KDM4C: variants seen among roughly 807,000 people sequenced by gnomAD.
KDM4C encodes lysine-specific demethylase 4C.
Under a neutral mutation model 129.3 loss-of-function variants are expected in KDM4C, and 81 were observed. That is an observed-to-expected ratio of 0.63 (90% CI 0.52 to 0.75). The LOEUF is 0.75. KDM4C is among the 30% of genes least tolerant of loss of function. KDM4C has a pLI of 0.00. For missense variants in KDM4C, 1,457 were observed against 1,304.0 expected (o/e 1.12, Z -1.81); for synonymous variants, 573 against 456.1 (o/e 1.26, Z -3.26).
intron 4 of KDM4C, chr9:6,835,050 C>T: frequency 1.1e-6 from 1 of 950,238 alleles, no homozygotes; most frequent in South Asian, 1.3e-5. Context: ...GCTACAGCTT[C>T]ACCACCACGG....
chr9:6,923,506 G>T (rs905291622), intron 8 of KDM4C, among the ~76,000 whole-genome samples: 1 of 152,126 alleles, frequency 6.6e-6, no homozygotes, highest in South Asian at 2.1e-4. Flanking sequence ...GTGAATGACT[G>T]AATGATTACA....
rs112782148 is a variant in KDM4C, at chr9:6,986,421, C to A, written c.1432C>A (p.Pro478Thr). 81 of 1,612,432 alleles carry A rather than the reference C, an allele frequency of 5.0e-5. No individual in the cohort carries two copies. The highest frequency in any genetic ancestry group is 4.7e-4 in the Admixed American group (28 of 60,004). The change falls in exon 11 of 22, where the codon CCT (proline) becomes ACT (threonine). Residue 478 changes from proline (P) to threonine (T), a missense_variant. Pro to Thr is a conservative substitution (Grantham distance 38). Coordinates refer to ENST00000381309, the MANE Select transcript of KDM4C (RefSeq NM_015061.6). ...DDKAYAYRSVPSISSEADDSI... is the reference protein window; with the variant it reads ...DDKAYAYRSVTSISSEADDSI... ...CAAAGCTTATGCATATAGAAGTGTA[C>A]CTTCTATATCCAGTGAGGCTGATGA...
chr9:6,930,939 C>T (rs78914367), intron 8 of KDM4C, among the ~76,000 whole-genome samples: 422 of 152,218 alleles, frequency 2.8e-3, no homozygotes, highest in Non-Finnish European at 4.8e-3. Context: ...GCAGTAAGCA[C>T]CTCAGAGAAT....
chr9:7,080,117 C>T (rs1382706990), intron 17 of KDM4C, among the ~76,000 whole-genome samples: 2 of 152,190 alleles, frequency 1.3e-5, no homozygotes, highest in South Asian at 2.1e-4. Context: ...TTCCCTCAAA[C>T]CCATGGTGTC....
chr9:7,002,044 C>T (rs1298069044), intron 12 of KDM4C, among the ~76,000 whole-genome samples: 2 of 152,128 alleles, frequency 1.3e-5, no homozygotes, highest in African/African-American at 2.4e-5. Flanking sequence ...AGGCACGTAC[C>T]ACCACACCTG....
chr9:6,813,275 A>G (rs1305356621), intron 3 of KDM4C, among the ~76,000 whole-genome samples: 3 of 152,174 alleles, frequency 2.0e-5, no homozygotes, highest in Non-Finnish European at 4.4e-5. Flanking sequence ...AGCTCAAATG[A>G]TCTTCCTGCT....
At chr9:6,884,770 C>G (rs1436539725) in intron 6 of KDM4C, among the ~76,000 whole-genome samples, 2 of 152,104 alleles carry the variant, frequency 1.3e-5, no homozygotes, top group East Asian at 1.9e-4. Flanking sequence ...ACTCTTTTCT[C>G]AAGGCTGAAA....
At chr9:6,809,152 G>A (rs1830692972) in intron 3 of KDM4C, among the ~76,000 whole-genome samples, 1 of 152,106 alleles carries the variant, frequency 6.6e-6, no homozygotes, top group Non-Finnish European at 1.5e-5. Context: ...CAAAGAAATT[G>A]AAAATTTTAT....
chr9:6,849,524 C>A lies in KDM4C; in HGVS notation c.453C>A (p.Asn151Lys), dbSNP rs149716850. 1.3e-6 allele frequency: 2 copies of A among 1,592,522 alleles called. No individual in the cohort carries two copies. The highest frequency in any genetic ancestry group is 1.3e-5 in the African/African-American group (1 of 74,698). Residue 151 changes from asparagine to lysine, a missense_variant, in exon 5 of 22, where the codon AAC becomes AAA. Physicochemically the swap from Asn to Lys is moderately conservative, Grantham distance 94. Coordinates refer to ENST00000381309, the MANE Select transcript of KDM4C (RefSeq NM_015061.6). Reference sequence around the variant, plus strand: ...CATTCCAGGGTGTGGATGAATGGAACATAGCTCGCCTCAATACAGTCTTGG... The same window carrying A: ...CATTCCAGGGTGTGGATGAATGGAAAATAGCTCGCCTCAATACAGTCTTGG... ...SIYDEGVDEW[N>K]IARLNTVLDV...
intron 8 of KDM4C, among the ~76,000 whole-genome samples, chr9:6,963,996 G>C (rs965765104): frequency 6.6e-6 from 1 of 152,138 alleles, no homozygotes; most frequent in African/African-American, 2.4e-5. Flanking sequence ...TAATAATTTT[G>C]ACTGTTAGAA....
chr9:6,857,070 G>T (rs1378618541), intron 5 of KDM4C, among the ~76,000 whole-genome samples: 3 of 152,036 alleles, frequency 2.0e-5, no homozygotes, highest in Non-Finnish European at 4.4e-5. Context: ...GCCTTCCTAG[G>T]CTGGTTTTAC....
chr9:7,142,443 C>T (rs1379153328), intron 19 of KDM4C, among the ~76,000 whole-genome samples: 2 of 152,164 alleles, frequency 1.3e-5, no homozygotes, highest in Non-Finnish European at 2.9e-5. Flanking sequence ...GTGGCTTTGC[C>T]TCCCCTCCCC....
At position 6,918,567 on chromosome 9, in the gene KDM4C, C is replaced by G. The variant is rs149347307; in HGVS notation, c.921+25335C>G. On this transcript the variant is annotated intron_variant, in intron 8 of 21. Transcript: ENST00000381309. ...AGGATTGCTGGGTCAGTTGGTAGGT[C>G]TGTTTTAAGTTCTTAGAGAAATCTC... Among the ~76,000 whole-genome samples, 804 of 152,206 alleles carry G rather than the reference C, an allele frequency of 5.3e-3. 3 individuals carry two copies. The highest frequency in any genetic ancestry group is 0.018 in the African/African-American group (736 of 41,520).
chr9:6,770,436 T>TATTG (rs1821529242), intron 1 of KDM4C, among the ~76,000 whole-genome samples: 1 of 152,192 alleles, frequency 6.6e-6, no homozygotes, highest in Non-Finnish European at 1.5e-5. Flanking sequence ...TACATGTCAA[T>TATTG]ATCTGTGTAT....
intron 17 of KDM4C, among the ~76,000 whole-genome samples, chr9:7,070,239 T>C (rs1003906286): frequency 1.3e-5 from 2 of 152,192 alleles, no homozygotes; most frequent in African/African-American, 4.8e-5. Flanking sequence ...CAAAAATCTT[T>C]CTAGAATAAA....
At chr9:7,067,911 T>C (rs1053150947) in intron 17 of KDM4C, among the ~76,000 whole-genome samples, 2 of 152,132 alleles carry the variant, frequency 1.3e-5, no homozygotes, top group Admixed American at 1.3e-4. Flanking sequence ...TTCTGCTGCC[T>C]CAGCCTCCCG....
At chr9:6,925,393 T>C in intron 8 of KDM4C, 1 of 984,960 alleles carries the variant, frequency 1.0e-6, no homozygotes, top group African/African-American at 1.7e-5. Context: ...TTAAAAGCTT[T>C]TTTTCTTTCC....
chr9:6,733,659 A>G (rs1817426894), intron 1 of KDM4C, among the ~76,000 whole-genome samples: 1 of 152,214 alleles, frequency 6.6e-6, no homozygotes, highest in African/African-American at 2.4e-5. Context: ...GATCTCGCGC[A>G]AGAAAGAGTT....
At chr9:6,911,199 C>T (rs1227166586) in intron 8 of KDM4C, among the ~76,000 whole-genome samples, 1 of 151,998 alleles carries the variant, frequency 6.6e-6, no homozygotes, top group Non-Finnish European at 1.5e-5. Context: ...TAATAAAAAA[C>T]TTTTATGCCA....
Sources: gnomAD v4.1 joint callset for allele counts (sites outside exome capture counted in the v4.1 genomes callset) on GRCh38, gnomAD v4.1.1 for gene constraint, MANE v1.5 for transcripts, NCBI Gene and HGNC (gene_info 2026-07-23, HGNC 2026-07-21) for gene names.